The following TNNI3K variants were observed in gnomAD, a reference collection of about 807,000 sequenced individuals.
The protein encoded by TNNI3K is TNNI3 interacting kinase.
Under a neutral mutation model 114.5 loss-of-function variants are expected in TNNI3K, and 140 were observed. That is an observed-to-expected ratio of 1.22 (90% CI 1.07 to 1.41). The LOEUF is 1.41. Ranked by LOEUF, TNNI3K falls within the 40% of genes most tolerant of loss-of-function variation. The probability of loss-of-function intolerance (pLI) is 0.00; values close to 1 mark genes in which losing one functional copy is unlikely to be tolerated. For synonymous variants in TNNI3K, 347 were observed against 347.5 expected (o/e 1.00, Z 0.02); for missense variants, 1,125 against 1,007.6 (o/e 1.12, Z -1.58).
intron 12 of TNNI3K, 45 bp downstream of exon 12, chr1:74,367,387 T>A: frequency 6.3e-7 from 1 of 1,598,842 alleles, no homozygotes; most frequent in Non-Finnish European, 8.6e-7. Flanking sequence ...TAATATATTG[T>A]GCCTAAAGGT....
rs779542189 is a variant in TNNI3K, at chr1:74,342,890, G to A, written c.731G>A (p.Arg244Gln). 10 of 1,613,626 alleles carry A rather than the reference G, an allele frequency of 6.2e-6. No homozygotes were observed. Among genetic ancestry groups the A allele is most frequent in the South Asian group, 3.3e-5 (3 of 91,074 alleles). ...EDHVPLHFCS[R>Q]FGHHDIVKYL... Reference sequence around the variant, plus strand: ...CATGTCCCACTCCATTTCTGTTCTCGATTTGGACACCATGATATAGTTAAG... The same window carrying A: ...CATGTCCCACTCCATTTCTGTTCTCAATTTGGACACCATGATATAGTTAAG... The change falls in exon 8 of 25, where the codon CGA becomes CAA. Residue 244 changes from arginine to glutamine, a missense_variant. Arg to Gln is a conservative substitution (Grantham distance 43). Transcript: ENST00000326637.
intron 2 of TNNI3K, among the ~76,000 whole-genome samples, chr1:74,241,996 C>G (rs1654257581): frequency 6.6e-6 from 1 of 151,962 alleles, no homozygotes; most frequent in East Asian, 1.9e-4. Context: ...ACTACAGGCA[C>G]CCACCACCAC....
chr1:74,445,853 G>A (rs535695914), intron 20 of TNNI3K, among the ~76,000 whole-genome samples: 28 of 151,952 alleles, frequency 1.8e-4, no homozygotes, highest in Admixed American at 2.6e-4. Context: ...CTCGTGATCC[G>A]CCCACCTTGG....
chr1:74,330,087 A>G (rs913400868), intron 5 of TNNI3K, among the ~76,000 whole-genome samples: 1 of 152,104 alleles, frequency 6.6e-6, no homozygotes, highest in African/African-American at 2.4e-5. Flanking sequence ...GTTGAACAGA[A>G]AAGAGAGACT....
At chr1:74,389,939 G>A (rs191600282) in intron 17 of TNNI3K, among the ~76,000 whole-genome samples, 2 of 151,958 alleles carry the variant, frequency 1.3e-5, no homozygotes, top group African/African-American at 2.4e-5. Context: ...AAGAGAAAAG[G>A]GACAATTTTA....
chr1:74,273,099 A>T (rs1264239107), intron 5 of TNNI3K, among the ~76,000 whole-genome samples: 1 of 151,974 alleles, frequency 6.6e-6, no homozygotes, highest in Non-Finnish European at 1.5e-5. Context: ...TGCATATAAA[A>T]TTATACTTGA....
At chr1:74,238,279 A>G (rs1653981009) in intron 2 of TNNI3K, among the ~76,000 whole-genome samples, 1 of 152,050 alleles carries the variant, frequency 6.6e-6, no homozygotes, top group African/African-American at 2.4e-5. Context: ...TATAAGCTGT[A>G]TATCCATGGA....
chr1:74,328,342 A>T (rs1660023745), intron 5 of TNNI3K, among the ~76,000 whole-genome samples: 1 of 152,122 alleles, frequency 6.6e-6, no homozygotes, highest in African/African-American at 2.4e-5. Context: ...ATGAATCATG[A>T]GTAAAATAAC....
chr1:74,307,591 T>A (rs1020965988), intron 5 of TNNI3K, among the ~76,000 whole-genome samples: 1 of 152,182 alleles, frequency 6.6e-6, no homozygotes, highest in African/African-American at 2.4e-5. Flanking sequence ...GTTTTAACCA[T>A]CCTAAATATA....
chr1:74,540,774 T>C (rs1646717587), intron 24 of TNNI3K, among the ~76,000 whole-genome samples: 1 of 152,136 alleles, frequency 6.6e-6, no homozygotes, highest in Non-Finnish European at 1.5e-5. Context: ...TGTTCCCCTT[T>C]TAGCCAAGCA....
At chr1:74,261,782 G>A (rs558901461) in intron 4 of TNNI3K, among the ~76,000 whole-genome samples, 15 of 151,980 alleles carry the variant, frequency 9.9e-5, no homozygotes, top group South Asian at 6.2e-4. Context: ...TTAACATTTC[G>A]TATGATAAAA....
At chr1:74,384,239 C>T (rs1026616706) in intron 17 of TNNI3K, among the ~76,000 whole-genome samples, 2 of 152,064 alleles carry the variant, frequency 1.3e-5, no homozygotes, top group East Asian at 1.9e-4. Context: ...TCAATTAACA[C>T]GCTATTCCAC....
At chr1:74,499,867 T>G (rs1266906523) in intron 23 of TNNI3K, among the ~76,000 whole-genome samples, 4 of 152,174 alleles carry the variant, frequency 2.6e-5, no homozygotes, top group Admixed American at 2.6e-4. Flanking sequence ...TTATATACCT[T>G]TTGTGTGATA....
intron 17 of TNNI3K, chr1:74,416,251 T>C (rs755431494): frequency 1.9e-5 from 19 of 983,220 alleles, no homozygotes; most frequent in Non-Finnish European, 2.3e-5. Context: ...AGTCAAATTT[T>C]CAAGTGAAGG....
chr1:74,368,960 G>T, intron 13 of TNNI3K, 62 bp from the exon 14 acceptor site: 1 of 1,334,246 alleles, frequency 7.5e-7, no homozygotes, highest in Middle Eastern at 2.4e-4. Context: ...ATATGCACAT[G>T]TATACACATC....
intron 11 of TNNI3K, among the ~76,000 whole-genome samples, chr1:74,354,708 A>G (rs1661565902): frequency 6.6e-6 from 1 of 152,228 alleles, no homozygotes; most frequent in Non-Finnish European, 1.5e-5. Flanking sequence ...TGTGCAAATT[A>G]TTTAATATTT....
At chr1:74,416,683 C>G (rs1665131554) in intron 17 of TNNI3K, 2 of 508,456 alleles carry the variant, frequency 3.9e-6, no homozygotes, top group Non-Finnish European at 5.1e-6. Flanking sequence ...CTTATTCTTA[C>G]ATTAAATATC....
chr1:74,493,831 G>C (rs1466106845), intron 23 of TNNI3K, among the ~76,000 whole-genome samples: 1 of 152,174 alleles, frequency 6.6e-6, no homozygotes, highest in Non-Finnish European at 1.5e-5. Flanking sequence ...TGCTCAAGTT[G>C]TATCCTCTGA....
At position 74,342,956 on chromosome 1, in the gene TNNI3K, T is replaced by C. The variant is rs200687973; in HGVS notation, c.797T>C (p.Val266Ala). 3.0e-5 allele frequency: 49 copies of C among 1,613,928 alleles called. No individual in the cohort carries two copies. Among genetic ancestry groups the C allele is most frequent in the Non-Finnish European group, 3.4e-5 (40 of 1,179,894 alleles). Residue 266 changes from valine to alanine, a missense_variant, in exon 8 of 25, where the codon GTT (valine) becomes GCT (alanine). Val to Ala is a moderately conservative substitution (Grantham distance 64, BLOSUM62 0). Coordinates refer to ENST00000326637, the MANE Select transcript of TNNI3K (RefSeq NM_015978.3). The stretch of plus-strand genomic sequence containing the variant: ...GATTTGGAAGTTCAACCTCATGTTG[T>C]TAATATCTATGGAGATACCCCCTTA... ...QSDLEVQPHV[V>A]NIYGDTPLHL...
Sources: allele counts gnomAD v4.1 joint callset (sites outside exome capture counted in the v4.1 genomes callset), GRCh38; gene constraint gnomAD v4.1.1; transcripts MANE v1.5; gene names NCBI Gene and HGNC (gene_info 2026-07-23, HGNC 2026-07-21).